The following INSC variants were observed in gnomAD, a reference collection of about 807,000 sequenced individuals.
INSC encodes INSC spindle orientation adaptor protein.
Under a neutral mutation model 58.6 loss-of-function variants are expected in INSC, and 67 were observed. The observed-to-expected ratio is 1.14, with a 90% CI of 0.94 to 1.40. The LOEUF is 1.40. Ranked by LOEUF, INSC falls within the 40% of genes most tolerant of loss-of-function variation. The pLI is 0.00. For synonymous variants in INSC, 262 were observed against 276.1 expected (o/e 0.95, Z 0.51); for missense variants, 714 against 692.0 (o/e 1.03, Z -0.36).
chr11:15,115,850 C>T (rs946880873), intron 1 of INSC, among the ~76,000 whole-genome samples: 5 of 152,244 alleles, frequency 3.3e-5, no homozygotes, highest in Non-Finnish European at 5.9e-5. Context: ...ATGCAACATG[C>T]ACCCACTTTG....
intron 1 of INSC, among the ~76,000 whole-genome samples, chr11:15,148,695 C>A (rs1326772323): frequency 6.6e-6 from 1 of 152,168 alleles, no homozygotes; most frequent in Non-Finnish European, 1.5e-5. Context: ...TAAGCGAGTT[C>A]TACAGTGGTA....
At chr11:15,150,231 C>T (rs1388908355) in intron 2 of INSC, among the ~76,000 whole-genome samples, 1 of 152,188 alleles carries the variant, frequency 6.6e-6, no homozygotes, top group East Asian at 1.9e-4. Flanking sequence ...GCATGGTCCA[C>T]ATACACAGAG....
At chr11:15,212,580 A>T (rs184704182) in intron 7 of INSC, among the ~76,000 whole-genome samples, 174 of 152,354 alleles carry the variant, frequency 1.1e-3, no homozygotes, top group Non-Finnish European at 1.9e-3. Context: ...CATCTTGCAC[A>T]TCTTTTTTAG....
At chr11:15,145,985 TG>T (rs1484330144) in intron 1 of INSC, among the ~76,000 whole-genome samples, 1 of 152,204 alleles carries the variant, frequency 6.6e-6, no homozygotes, top group African/African-American at 2.4e-5. Context: ...TCATCAAACC[TG>T]GATTCTAGTC....
downstream of INSC, among the ~76,000 whole-genome samples, chr11:15,250,395 G>C (rs540202792): frequency 6.6e-6 from 1 of 152,168 alleles, no homozygotes; most frequent in African/African-American, 2.4e-5. Context: ...AAACTATAAA[G>C]TTCTGTGCAA....
Position 15,190,682 on chromosome 11 carries a change from C to G in INSC, c.580-19C>G, listed in dbSNP as rs1202038216. ...GAGGTGGTGAGTAACTACTAGCTAACTTTTCTCTCTCTTCTTAGGCACTGG... is the reference window on the plus strand; with the variant it reads ...GAGGTGGTGAGTAACTACTAGCTAAGTTTTCTCTCTCTTCTTAGGCACTGG... On this transcript the variant is annotated intron_variant, in intron 5 of 12. Coordinates refer to ENST00000379556, the MANE Select transcript of INSC (RefSeq NM_001042536.3). The G allele has an allele frequency of 6.4e-7, 1 of 1,574,478 alleles. No individual in the cohort carries two copies. The highest frequency in any genetic ancestry group is 2.2e-5 in the East Asian group (1 of 44,716).
At chr11:15,184,569 T>A (rs1052038090) in intron 5 of INSC, 2 of 152,990 alleles carry the variant, frequency 1.3e-5, no homozygotes, top group Admixed American at 6.5e-5. Flanking sequence ...CTAATTTTTG[T>A]ATTTTTAGTA....
At chr11:15,176,314 C>T (rs945870531) in intron 3 of INSC, among the ~76,000 whole-genome samples, 3 of 151,888 alleles carry the variant, frequency 2.0e-5, no homozygotes, top group African/African-American at 7.3e-5. Flanking sequence ...CCTGCACAAC[C>T]TGTGAGGTAG....
chr11:15,203,077 C>T (rs1850656527), intron 7 of INSC, among the ~76,000 whole-genome samples: 1 of 152,192 alleles, frequency 6.6e-6, no homozygotes, highest in Admixed American at 6.5e-5. Flanking sequence ...TTAGTATCTC[C>T]ATCTTAAAGA....
Position 15,184,481 on chromosome 11 carries a change from C to T in INSC, c.579+6034C>T, listed in dbSNP as rs141496064. The T allele has an allele frequency of 9.0e-3, 1,455 of 161,208 alleles. 16 individuals are homozygous for T. Among genetic ancestry groups the T allele is most frequent in the African/African-American group, 0.033 (1,388 of 41,576 alleles). The allele number at this position is 161,208 out of a possible 1,614,324, so 10.0% of individuals were successfully genotyped here. On this transcript the variant is annotated intron_variant, in intron 5 of 12. Coordinates refer to ENST00000379556, the MANE Select transcript of INSC (RefSeq NM_001042536.3). ...TGCAATCTCGGCTCAATGCAACCTC[C>T]GCCTCCTGGGTTCAAGTGATTCCCC...
intron 6 of INSC, among the ~76,000 whole-genome samples, chr11:15,194,374 G>A (rs1210031949): frequency 1.3e-5 from 2 of 152,154 alleles, no homozygotes; most frequent in African/African-American, 4.8e-5. Context: ...CCCTCAGAGA[G>A]TTTGTGGAAA....
intron 10 of INSC, among the ~76,000 whole-genome samples, chr11:15,238,399 A>G (rs1038826162): frequency 3.9e-5 from 6 of 152,190 alleles, no homozygotes; most frequent in African/African-American, 1.2e-4. Flanking sequence ...CTGTCTCAGA[A>G]GCAGCCAGTA....
At chr11:15,189,073 A>G (rs1850072405) in intron 5 of INSC, among the ~76,000 whole-genome samples, 1 of 152,232 alleles carries the variant, frequency 6.6e-6, no homozygotes, top group African/African-American at 2.4e-5. Flanking sequence ...TTAGACTGCT[A>G]TATCTAGATT....
chr11:15,234,042 G>A (rs919920129), intron 9 of INSC, among the ~76,000 whole-genome samples: 10 of 152,190 alleles, frequency 6.6e-5, no homozygotes, highest in Admixed American at 2.0e-4. Context: ...AAATAAATAC[G>A]TAAAAGAGCC....
At chr11:15,194,236 A>T (rs1260394698) in intron 6 of INSC, among the ~76,000 whole-genome samples, 2 of 152,180 alleles carry the variant, frequency 1.3e-5, no homozygotes, top group Admixed American at 1.3e-4. Context: ...GAAATATGAC[A>T]TCACCATTGG....
intron 1 of INSC, among the ~76,000 whole-genome samples, chr11:15,128,314 TC>T (rs1455508115): frequency 2.0e-5 from 3 of 152,220 alleles, no homozygotes; most frequent in Non-Finnish European, 4.4e-5. Context: ...TTTATTTTTT[TC>T]CACAGACCAT....
At chr11:15,166,208 A>T (rs968958035) in intron 2 of INSC, among the ~76,000 whole-genome samples, 4 of 152,172 alleles carry the variant, frequency 2.6e-5, no homozygotes, top group Non-Finnish European at 5.9e-5. Flanking sequence ...TTGAGAATAT[A>T]TACCCACAAC....
chr11:15,235,667 T>A lies in INSC; in HGVS notation c.1236T>A (p.Asn412Lys), dbSNP rs768170840. The A allele has an allele frequency of 6.2e-7, 1 of 1,611,824 alleles. No homozygotes were observed. The highest frequency in any genetic ancestry group is 8.5e-7 in the Non-Finnish European group (1 of 1,178,100). The stretch of plus-strand genomic sequence containing the variant: ...GTGCCTCTGACATCATTCAGGAAAA[T>A]GGTATGTCTTTGCAGCATTGTACAT... ...EQCASDIIQE[N>K]GVQLIMGMLS... The change falls in exon 10 of 13, where the codon AAT (asparagine) becomes AAA (lysine). Residue 412 changes from asparagine to lysine, a missense_variant and splice_region_variant. Transcript: ENST00000379556.
intron 7 of INSC, among the ~76,000 whole-genome samples, chr11:15,212,984 A>T (rs967219128): frequency 1.3e-5 from 2 of 152,220 alleles, no homozygotes; most frequent in African/African-American, 4.8e-5. Context: ...AGGATTAAAA[A>T]TGAGGCTCAT....
Sources: gnomAD v4.1 joint callset for allele counts (sites outside exome capture counted in the v4.1 genomes callset) on GRCh38, gnomAD v4.1.1 for gene constraint, MANE v1.5 for transcripts, NCBI Gene and HGNC (gene_info 2026-07-23, HGNC 2026-07-21) for gene names.